Variants in HAPSTR1 observed in about 807,000 individuals in gnomAD.
HAPSTR1 encodes HUWE1-associated protein modifying stress responses 1.
chr16:9,116,836 C>G, the HAPSTR1 span: 1 of 1,614,204 alleles, frequency 6.2e-7, no homozygotes, highest in Non-Finnish European at 8.5e-7. Flanking sequence ...AATGGTGGAA[C>G]TAGAAAGCGT....
At chr16:9,097,507 GATTATAA>G in the HAPSTR1 span, among the ~76,000 whole-genome samples, 1 of 152,332 alleles carries the variant, frequency 6.6e-6, no homozygotes, top group Non-Finnish European at 1.5e-5. Flanking sequence ...AAAGTGCCGG[GATTATAA>G]CTGTGAGCCA....
At chr16:9,119,391 C>G in the HAPSTR1 span, 1 of 152,124 alleles carries the variant, frequency 6.6e-6, no homozygotes, top group Non-Finnish European at 1.5e-5. Flanking sequence ...AAAAACTAGA[C>G]AGTTTAGTTT....
the HAPSTR1 span, among the ~76,000 whole-genome samples, chr16:9,116,466 T>C: frequency 6.6e-6 from 1 of 152,200 alleles, no homozygotes; most frequent in Admixed American, 6.5e-5. Flanking sequence ...ATATTGTAGA[T>C]ATTGGTAGTA....
the HAPSTR1 span, among the ~76,000 whole-genome samples, chr16:9,101,279 A>G: frequency 6.6e-6 from 1 of 152,210 alleles, no homozygotes; most frequent in Non-Finnish European, 1.5e-5. Context: ...ACTGTTATTT[A>G]CATTCAAAAT....
the HAPSTR1 span, among the ~76,000 whole-genome samples, chr16:9,094,925 CT>C: frequency 6.6e-6 from 1 of 152,206 alleles, no homozygotes; most frequent in South Asian, 2.1e-4. Flanking sequence ...TTAGTGCTAA[CT>C]TTTCGTGTAA....
the HAPSTR1 span, chr16:9,110,636 C>G: frequency 6.6e-6 from 1 of 152,224 alleles, no homozygotes; most frequent in Non-Finnish European, 1.5e-5. Flanking sequence ...AGCTCTGTGT[C>G]TCGCCCCTTT....
chr16:9,104,688 A>G, the HAPSTR1 span: 2 of 152,332 alleles, frequency 1.3e-5, no homozygotes, highest in African/African-American at 2.4e-5. Flanking sequence ...TTAAGACTGC[A>G]CACTGTTCCT....
chr16:9,109,175 A>T, the HAPSTR1 span: 1 of 152,186 alleles, frequency 6.6e-6, no homozygotes, highest in Admixed American at 6.5e-5. Context: ...AGACTAGTGA[A>T]GTTGGTTACG....
chr16:9,108,878 C>T, the HAPSTR1 span: 2 of 152,170 alleles, frequency 1.3e-5, no homozygotes. Context: ...GTTACCTACC[C>T]TACCATGACA....
the HAPSTR1 span, among the ~76,000 whole-genome samples, chr16:9,092,527 G>A: frequency 6.6e-6 from 1 of 151,892 alleles, no homozygotes; most frequent in Non-Finnish European, 1.5e-5. Context: ...CCGCTCTCCG[G>A]GCCCGGCCAC....
At chr16:9,121,503 G>A in the HAPSTR1 span, 2 of 152,248 alleles carry the variant, frequency 1.3e-5, no homozygotes, top group African/African-American at 4.8e-5. Flanking sequence ...AAGACTTTTT[G>A]CTTGATATCA....
At chr16:9,091,827 TGGGAAGGCCTGGGGC>T in the HAPSTR1 span, 1 of 218,728 alleles carries the variant, frequency 4.6e-6, no homozygotes, top group Non-Finnish European at 7.7e-6. Flanking sequence ...GGCCCGGGGG[TGGGAAGGCCTGGGGC>T]GGGGGTCGTC....
At chr16:9,093,019 G>A in the HAPSTR1 span, 1 of 1,601,926 alleles carries the variant, frequency 6.2e-7, no homozygotes, top group Non-Finnish European at 8.5e-7. Flanking sequence ...TAACCTTGCT[G>A]CATTGCCGAT....
chr16:9,094,525 C>G, the HAPSTR1 span, among the ~76,000 whole-genome samples: 9 of 151,936 alleles, frequency 5.9e-5, no homozygotes, highest in Non-Finnish European at 7.4e-5. Flanking sequence ...TCTATCACCC[C>G]CACCTCCCAG....
chr16:9,117,082 C>G, the HAPSTR1 span: 16 of 905,094 alleles, frequency 1.8e-5, no homozygotes, highest in African/African-American at 8.4e-5. Context: ...TAGTAGATGC[C>G]TCTTGTAATT....
the HAPSTR1 span, chr16:9,108,472 C>A: frequency 1.3e-5 from 2 of 152,182 alleles, no homozygotes; most frequent in Non-Finnish European, 2.9e-5. Flanking sequence ...TGGCATGAGC[C>A]ATGATGCCTG....
chr16:9,103,177 C>T, the HAPSTR1 span: 6 of 1,614,106 alleles, frequency 3.7e-6, no homozygotes, highest in Middle Eastern at 1.6e-4. Flanking sequence ...CTGTAGTGTC[C>T]CCTAACCGAG....
At chr16:9,109,693 C>G in the HAPSTR1 span, 1 of 152,136 alleles carries the variant, frequency 6.6e-6, no homozygotes, top group African/African-American at 2.4e-5. Context: ...TTGTAAGTTC[C>G]TTTCATGTTT....
the HAPSTR1 span, among the ~76,000 whole-genome samples, chr16:9,094,217 C>T: frequency 6.6e-6 from 1 of 152,060 alleles, no homozygotes; most frequent in African/African-American, 2.4e-5. Flanking sequence ...GAATGAGGAA[C>T]TGTAATAATA....
Sources: allele counts gnomAD v4.1 joint callset (sites outside exome capture counted in the v4.1 genomes callset), GRCh38; gene constraint gnomAD v4.1.1; transcripts MANE v1.5; gene names NCBI Gene and HGNC (gene_info 2026-07-23, HGNC 2026-07-21).